GFRA1: variants seen among roughly 807,000 people sequenced by gnomAD.
GFRA1 encodes the protein GDNF family receptor alpha-1.
A neutral mutation model predicts 51.6 loss-of-function variants in GFRA1; 16 were observed. The observed-to-expected ratio is 0.31, with a 90% CI of 0.21 to 0.47. The LOEUF (loss-of-function observed/expected upper bound fraction) is 0.47, where lower values mean the gene tolerates loss of function less well. GFRA1 is among the 20% of genes least tolerant of loss of function. The probability of loss-of-function intolerance (pLI) is 1.00; values close to 1 mark genes in which losing one functional copy is unlikely to be tolerated. For synonymous variants in GFRA1, 270 were observed against 241.3 expected (o/e 1.12, Z -1.10); for missense variants, 530 against 594.3 (o/e 0.89, Z 1.13).
chr10:116,271,959 G>A (rs1009358716), intron 2 of GFRA1, 31 bp downstream of exon 2: 66 of 1,538,732 alleles, frequency 4.3e-5, no homozygotes, highest in East Asian at 7.3e-5. Flanking sequence ...GACTCAGAGG[G>A]TAAGAAAGCC....
At chr10:116,219,863 A>C (rs1184196354) in intron 4 of GFRA1, among the ~76,000 whole-genome samples, 1 of 152,198 alleles carries the variant, frequency 6.6e-6, no homozygotes, top group Non-Finnish European at 1.5e-5. Flanking sequence ...TACATTTTAA[A>C]AAGTCTCCAA....
At chr10:116,235,019 G>A (rs1253015721) in intron 4 of GFRA1, among the ~76,000 whole-genome samples, 3 of 152,148 alleles carry the variant, frequency 2.0e-5, no homozygotes, top group African/African-American at 7.2e-5. Flanking sequence ...ATGATTGTAA[G>A]TTTCCTGAGG....
chr10:116,225,080 C>G (rs1966183364), intron 4 of GFRA1, among the ~76,000 whole-genome samples: 1 of 152,088 alleles, frequency 6.6e-6, no homozygotes, highest in South Asian at 2.1e-4. Context: ...CTGTTCAATA[C>G]AGTAGCCCCC....
In GFRA1 at chr10:116,061,308, T is replaced by G. The variant is rs180858807; in HGVS notation, c.*3090A>C. The G allele has an allele frequency of 6.6e-6, 1 of 151,866 alleles. No homozygotes were observed. Among genetic ancestry groups the G allele is most frequent in the Non-Finnish European group, 1.5e-5 (1 of 67,984 alleles). The allele number at this position is 151,866 out of a possible 1,614,324, so 9.4% of individuals were successfully genotyped here. A position where few individuals can be genotyped will look rare whatever the true frequency, so the allele number is the denominator to read the frequency against. ...TCACATTCTAGATCGTTTGCTATAC[T>G]TCATGAAAAATAACCTATGTTAATC... is the stretch of plus-strand genomic sequence containing the variant. On this transcript the variant is annotated 3_prime_UTR_variant, in exon 11 of 11. Coordinates refer to ENST00000355422, the MANE Select transcript of GFRA1 (RefSeq NM_005264.8).
Position 116,205,596 on chromosome 10 carries a change from GATATATAT to G in GFRA1, c.433+6027_433+6034del, listed in dbSNP as rs140642664. ...CTCAAAAAAGAAAGGAAAAAAAAAA[GATATATAT>G]ATATATATATATATATATATATTCT... is the stretch of plus-strand genomic sequence containing the variant. On this transcript the variant is annotated intron_variant, in intron 5 of 10. Transcript: ENST00000355422. Among the ~76,000 whole-genome samples the G allele has an allele frequency of 1.8e-3, 256 of 140,602 alleles. 6 individuals are homozygous for G. Among genetic ancestry groups the G allele is most frequent in the African/African-American group, 5.8e-3 (225 of 38,794 alleles). 92.2% of individuals were successfully genotyped at this position (140,602 alleles called of 152,430 possible). A position where few individuals can be genotyped will look rare whatever the true frequency, so the allele number is the denominator to read the frequency against.
intron 9 of GFRA1, among the ~76,000 whole-genome samples, chr10:116,083,423 GC>G (rs1955945319): frequency 6.6e-6 from 1 of 152,334 alleles, no homozygotes; most frequent in Middle Eastern, 3.4e-3. Context: ...TTAACGGGCC[GC>G]CAAAGCATCC....
chr10:116,173,768 T>A (rs934307378), intron 5 of GFRA1, among the ~76,000 whole-genome samples: 15 of 152,120 alleles, frequency 9.9e-5, no homozygotes, highest in Non-Finnish European at 1.9e-4. Flanking sequence ...GAACAGGTTT[T>A]TTTTCCCCGG....
Position 116,197,849 on chromosome 10 carries a change from C to T in GFRA1, c.433+13782G>A, listed in dbSNP as rs147969733. Among the ~76,000 whole-genome samples, 210 of 152,244 alleles carry T rather than the reference C, an allele frequency of 1.4e-3. 1 individual carries two copies. The highest frequency in any genetic ancestry group is 4.9e-3 in the African/African-American group (205 of 41,538). Reference sequence around the variant, plus strand: ...GTGGCCAGCTACAGGCGGATTATTCCGGAGTGCTGAGGCATGCGTGGGCTT... The same window carrying T: ...GTGGCCAGCTACAGGCGGATTATTCTGGAGTGCTGAGGCATGCGTGGGCTT... On this transcript the variant is annotated intron_variant, in intron 5 of 10. Coordinates refer to ENST00000355422, the MANE Select transcript of GFRA1 (RefSeq NM_005264.8).
At chr10:116,068,482 A>G (rs1434943002) in intron 9 of GFRA1, among the ~76,000 whole-genome samples, 2 of 152,200 alleles carry the variant, frequency 1.3e-5, no homozygotes, top group African/African-American at 4.8e-5. Flanking sequence ...GGGGTCAACA[A>G]CAGACATCAT....
In GFRA1 at chr10:116,093,596, C is replaced by T. The variant is rs1956444917; in HGVS notation, c.1015+106G>A. On this transcript the variant is annotated intron_variant, in intron 8 of 10. Coordinates refer to ENST00000355422, the MANE Select transcript of GFRA1 (RefSeq NM_005264.8). Reference sequence around the variant, plus strand: ...AAGCAGGCACAAGGTACAAGAGGTACAGGCACAAGGTACAAGAGGTACAGG... The same window carrying T: ...AAGCAGGCACAAGGTACAAGAGGTATAGGCACAAGGTACAAGAGGTACAGG... 15 of 974,448 alleles carry T rather than the reference C, an allele frequency of 1.5e-5. No homozygotes were observed. In the Admixed American group the frequency reaches 1.6e-4, roughly 10 times the overall value. 60.4% of individuals were successfully genotyped at this position (974,448 alleles called of 1,614,324 possible).
chr10:116,082,743 G>C (rs1448306474), intron 9 of GFRA1, among the ~76,000 whole-genome samples: 3 of 152,168 alleles, frequency 2.0e-5, no homozygotes, highest in African/African-American at 7.2e-5. Flanking sequence ...TTCCCAAAGT[G>C]CTGGGATTAC....
chr10:116,187,258 T>C (rs900896149), intron 5 of GFRA1, among the ~76,000 whole-genome samples: 11 of 152,180 alleles, frequency 7.2e-5, no homozygotes, highest in African/African-American at 2.7e-4. Context: ...GTCTATTATT[T>C]TTTCATTCAA....
intron 9 of GFRA1, among the ~76,000 whole-genome samples, chr10:116,085,133 T>C (rs1956038220): frequency 6.6e-6 from 1 of 152,194 alleles, no homozygotes; most frequent in Non-Finnish European, 1.5e-5. Context: ...GCAAAGCCTT[T>C]CATAGGAACC....
intron 4 of GFRA1, among the ~76,000 whole-genome samples, chr10:116,243,103 T>C (rs1209461180): frequency 1.3e-5 from 2 of 152,250 alleles, no homozygotes; most frequent in African/African-American, 4.8e-5. Context: ...TTACTACATT[T>C]ATGCGTCTCA....
At chr10:116,148,639 G>A (rs765038435) in intron 5 of GFRA1, among the ~76,000 whole-genome samples, 7 of 152,078 alleles carry the variant, frequency 4.6e-5, no homozygotes, top group South Asian at 4.1e-4. Flanking sequence ...GGACTCCCAC[G>A]CTCAAAAGAT....
At chr10:116,206,782 G>C (rs551291758) in intron 5 of GFRA1, among the ~76,000 whole-genome samples, 1 of 151,274 alleles carries the variant, frequency 6.6e-6, no homozygotes, top group Non-Finnish European at 1.5e-5. Context: ...ACAGGCGCCT[G>C]CCACGACGCC....
At chr10:116,150,036 TC>T (rs1958999686) in intron 5 of GFRA1, among the ~76,000 whole-genome samples, 1 of 152,182 alleles carries the variant, frequency 6.6e-6, no homozygotes, top group Non-Finnish European at 1.5e-5. Flanking sequence ...AACTCACCAC[TC>T]TTCATGGATT....
At chr10:116,255,905 T>A (rs1968804539) in intron 4 of GFRA1, 1 of 196,598 alleles carries the variant, frequency 5.1e-6, no homozygotes, top group African/African-American at 2.4e-5. Context: ...GTATGGCTAT[T>A]GTTTTTCTTT....
intron 5 of GFRA1, among the ~76,000 whole-genome samples, chr10:116,186,825 T>G (rs7904143): frequency 0.34 from 52,077 of 152,000 alleles, 9,172 homozygotes; most frequent in African/African-American, 0.43. Flanking sequence ...CCCAAAGAAA[T>G]GGAACAATTT....
Sources: gnomAD v4.1 joint callset for allele counts (sites outside exome capture counted in the v4.1 genomes callset) on GRCh38, gnomAD v4.1.1 for gene constraint, MANE v1.5 for transcripts, NCBI Gene and HGNC (gene_info 2026-07-23, HGNC 2026-07-21) for gene names.